GABRA1: variants seen among roughly 807,000 people sequenced by gnomAD.
GABRA1 encodes gamma-aminobutyric acid type A receptor subunit alpha1.
A neutral mutation model predicts 48.9 loss-of-function variants in GABRA1; 9 were observed. The ratio of observed to expected loss-of-function variants is 0.18; its 90% CI spans 0.11 to 0.32. The LOEUF is 0.32. GABRA1 is among the 10% of genes least tolerant of loss of function. The probability of loss-of-function intolerance (pLI) is 1.00; values close to 1 mark genes in which losing one functional copy is unlikely to be tolerated. For missense variants in GABRA1, 285 were observed against 553.8 expected (o/e 0.51, Z 4.87); for synonymous variants, 210 against 198.7 (o/e 1.06, Z -0.48).
At chr5:161,877,525 G>A (rs915231828) in intron 6 of GABRA1, among the ~76,000 whole-genome samples, 9 of 152,130 alleles carry the variant, frequency 5.9e-5, no homozygotes, top group African/African-American at 1.9e-4. Flanking sequence ...GTTTGTGATA[G>A]AAGGTAATAG....
intron 3 of GABRA1, 85 bp downstream of exon 3, chr5:161,854,355 A>G (rs955115549): frequency 1.2e-5 from 9 of 778,930 alleles, no homozygotes; most frequent in Non-Finnish European, 2.1e-5. Context: ...AAATGGTCAA[A>G]TAATAAAAAT....
intron 3 of GABRA1, among the ~76,000 whole-genome samples, chr5:161,864,313 A>G (rs1246414931): frequency 6.6e-6 from 1 of 152,058 alleles, no homozygotes; most frequent in Non-Finnish European, 1.5e-5. Flanking sequence ...CTAACTCATC[A>G]TCTAGCATTA....
chr5:161,896,597 AAGACAG>A (rs1755379299), intron 9 of GABRA1, among the ~76,000 whole-genome samples: 1 of 152,214 alleles, frequency 6.6e-6, no homozygotes, highest in Admixed American at 6.5e-5. Context: ...ATGAAGAGCA[AAGACAG>A]AGACAAAGAG....
In GABRA1 at chr5:161,899,878, A is replaced by T. The variant is rs1446763141; in HGVS notation, c.*2456A>T. 1 of 152,174 alleles carries T rather than the reference A, an allele frequency of 6.6e-6. No homozygotes were observed. Among genetic ancestry groups the T allele is most frequent in the Non-Finnish European group, 1.5e-5 (1 of 68,004 alleles). 9.4% of individuals were successfully genotyped at this position (152,174 alleles called of 1,614,324 possible). On this transcript the variant is annotated 3_prime_UTR_variant, in exon 10 of 10. Coordinates refer to ENST00000393943, the MANE Select transcript of GABRA1 (RefSeq NM_001127644.2). ...GGCAGATGCATGTGTTGCTTTACAG[A>T]GTTTAGCAAAAGCTCTTAATTTTAT...
At chr5:161,893,048 T>TAATAATAATAATAATAAAAAA (rs5872733) in intron 8 of GABRA1, among the ~76,000 whole-genome samples, 1 of 141,994 alleles carries the variant, frequency 7.0e-6, no homozygotes, top group Non-Finnish European at 1.5e-5. Flanking sequence ...ATAATAATAA[T>TAATAATAATAATAATAAAAAA]AAAATAAACA....
Position 161,897,157 on chromosome 5 carries a change from C to T in GABRA1, c.1106C>T (p.Ala369Val). Residue 369 changes from alanine (A) to valine (V), a missense_variant, in exon 10 of 10, where the codon GCT (alanine) becomes GTT (valine). Physicochemically the swap from Ala to Val is moderately conservative, Grantham distance 64 (BLOSUM62 0). Transcript: ENST00000393943. ...DPLIKKNNTY[A>V]PTATSYTPNL... ...CTTATTAAGAAAAACAACACTTACGCTCCAACAGCAACCAGCTACACCCCT... is the reference window on the plus strand; with the variant it reads ...CTTATTAAGAAAAACAACACTTACGTTCCAACAGCAACCAGCTACACCCCT... 2 of 1,614,052 alleles carry T rather than the reference C, an allele frequency of 1.2e-6. No homozygotes were observed. The highest frequency in any genetic ancestry group is 1.7e-6 in the Non-Finnish European group (2 of 1,179,984).
intron 4 of GABRA1, among the ~76,000 whole-genome samples, chr5:161,868,625 A>C (rs528214106): frequency 6.6e-6 from 1 of 152,256 alleles, no homozygotes; most frequent in South Asian, 2.1e-4. Flanking sequence ...AATTTGCTTA[A>C]TGGCCATTCT....
chr5:161,855,960 A>T (rs1436560401), intron 3 of GABRA1, among the ~76,000 whole-genome samples: 1 of 151,402 alleles, frequency 6.6e-6, no homozygotes, highest in African/African-American at 2.4e-5. Context: ...TCAATTTATT[A>T]AATAGTTTTA....
chr5:161,879,294 T>C lies in GABRA1; in HGVS notation c.560-3264T>C, dbSNP rs148027691. On this transcript the variant is annotated intron_variant, in intron 6 of 9. Transcript: ENST00000393943. Reference sequence around the variant, plus strand: ...TGGCTAATTTTCAAATAAATTTTTGTAGAGACAGAATTTTGCCATTTTGCC... The same window carrying C: ...TGGCTAATTTTCAAATAAATTTTTGCAGAGACAGAATTTTGCCATTTTGCC... 2.4e-3 allele frequency among the ~76,000 whole-genome samples: 369 copies of C among 152,210 alleles called. 3 individuals are homozygous for C. The highest frequency in any genetic ancestry group is 8.3e-3 in the African/African-American group (344 of 41,546).
chr5:161,896,612 A>G (rs900825900), intron 9 of GABRA1, among the ~76,000 whole-genome samples: 2 of 152,204 alleles, frequency 1.3e-5, no homozygotes, highest in Non-Finnish European at 2.9e-5. Flanking sequence ...AGAGACAAAG[A>G]GATTTTAAGA....
rs3078109 is a variant in GABRA1, at chr5:161,892,670, A to AAAACAAAC, written c.856+1644_856+1651dup. Among the ~76,000 whole-genome samples the AAAACAAAC allele has an allele frequency of 8.4e-3, 1,273 of 150,868 alleles. 11 individuals are homozygous for AAAACAAAC. Among genetic ancestry groups the AAAACAAAC allele is most frequent in the African/African-American group, 0.011 (454 of 41,160 alleles). On this transcript the variant is annotated intron_variant, in intron 8 of 9. Coordinates refer to ENST00000393943, the MANE Select transcript of GABRA1 (RefSeq NM_001127644.2). ...TATGCCTTTTTCTCACTAGGAAATT[A>AAAACAAAC]AAACAAACAAACAAACAAACAAACA...
chr5:161,893,051 A>T (rs1027070741), intron 8 of GABRA1, among the ~76,000 whole-genome samples: 25 of 105,672 alleles, frequency 2.4e-4, no homozygotes, highest in African/African-American at 7.7e-4. Context: ...ATAATAATAA[A>T]ATAAACACAG....
intron 8 of GABRA1, among the ~76,000 whole-genome samples, chr5:161,894,561 G>T (rs946879855): frequency 6.6e-6 from 1 of 152,144 alleles, no homozygotes; most frequent in Non-Finnish European, 1.5e-5. Context: ...AGGTCATAGA[G>T]CTAATAAGTG....
intron 3 of GABRA1, among the ~76,000 whole-genome samples, chr5:161,857,850 G>C (rs1561567005): frequency 6.6e-6 from 1 of 151,412 alleles, no homozygotes; most frequent in Admixed American, 6.6e-5. Flanking sequence ...GGTGTGGGGG[G>C]CTGCTACTTT....
At chr5:161,870,593 AAAAGAAAG>A (rs959712732) in intron 4 of GABRA1, among the ~76,000 whole-genome samples, 1 of 150,130 alleles carries the variant, frequency 6.7e-6, no homozygotes, top group South Asian at 2.1e-4. Context: ...GAAAAAGAAA[AAAAGAAAG>A]AAAGAAAGGA....
intron 7 of GABRA1, among the ~76,000 whole-genome samples, chr5:161,884,003 T>G (rs2113420222): frequency 6.6e-6 from 1 of 152,310 alleles, no homozygotes; most frequent in African/African-American, 2.4e-5. Flanking sequence ...ATCTTGTCGC[T>G]TAGAAGCTTT....
chr5:161,878,311 C>T (rs1754455357), intron 6 of GABRA1, among the ~76,000 whole-genome samples: 1 of 152,146 alleles, frequency 6.6e-6, no homozygotes. Context: ...ATTACCACTG[C>T]CTGGCATTGG....
chr5:161,852,194 T>C (rs528816845), intron 2 of GABRA1, among the ~76,000 whole-genome samples: 2 of 152,048 alleles, frequency 1.3e-5, no homozygotes, highest in Admixed American at 1.3e-4. Flanking sequence ...GTGGTCTCTT[T>C]GGGCATCTGC....
intron 6 of GABRA1, among the ~76,000 whole-genome samples, chr5:161,879,774 A>G (rs1754532030): frequency 6.6e-6 from 1 of 152,152 alleles, no homozygotes; most frequent in Non-Finnish European, 1.5e-5. Flanking sequence ...ATACATTTTC[A>G]TATGCAATGG....
Sources: gnomAD v4.1 joint callset for allele counts (sites outside exome capture counted in the v4.1 genomes callset) on GRCh38, gnomAD v4.1.1 for gene constraint, MANE v1.5 for transcripts, NCBI Gene and HGNC (gene_info 2026-07-23, HGNC 2026-07-21) for gene names.